The following KIAA0586 variants were observed in gnomAD, a reference collection of about 807,000 sequenced individuals.
The protein encoded by KIAA0586 is protein TALPID3.
In KIAA0586, 144 loss-of-function variants were observed where a neutral mutation model predicts 169.8. The observed-to-expected ratio is 0.85, with a 90% CI of 0.74 to 0.97. The LOEUF is 0.97. Ranked by LOEUF, KIAA0586 falls within the 50% of genes least tolerant of loss-of-function variation. The pLI is 0.00. For synonymous variants in KIAA0586, 625 were observed against 612.4 expected (o/e 1.02, Z -0.30); for missense variants, 1,854 against 1,823.0 (o/e 1.02, Z -0.31).
chr14:58,483,708 A>T (rs1204427463), intron 21 of KIAA0586, among the ~76,000 whole-genome samples: 5 of 152,326 alleles, frequency 3.3e-5, no homozygotes, highest in African/African-American at 9.6e-5. Flanking sequence ...GTTAAAAAGA[A>T]TTTATAATCT....
At chr14:58,523,698 A>G (rs2045376712) in intron 29 of KIAA0586, among the ~76,000 whole-genome samples, 1 of 151,150 alleles carries the variant, frequency 6.6e-6, no homozygotes, top group Admixed American at 6.6e-5. Flanking sequence ...GATTAGGAGT[A>G]GCATCTGATC....
chr14:58,484,890 T>TTATATATATATATATATATATTTTTA lies in KIAA0586; in HGVS notation c.3145-2096_3145-2095insTTTTATATATATATATATATATATAT, dbSNP rs2042278105. Among the ~76,000 whole-genome samples, 4 of 32,314 alleles carry TTATATATATATATATATATATTTTTA rather than the reference T, an allele frequency of 1.2e-4. 1 individual carries two copies. The highest frequency in any genetic ancestry group is 2.1e-4 in the Non-Finnish European group (4 of 18,960). 21.2% of individuals were successfully genotyped at this position (32,314 alleles called of 152,430 possible). ...AATTTTATATATATTATATATATAT[T>TTATATATATATATATATATATTTTTA]TATATATATATATATATATATATAT... On this transcript the variant is annotated intron_variant, in intron 21 of 30. Coordinates refer to ENST00000652326, the MANE Select transcript of KIAA0586 (RefSeq NM_001329943.3).
chr14:58,554,450 C>T (rs1224508950), downstream of KIAA0586, among the ~76,000 whole-genome samples: 1 of 152,122 alleles, frequency 6.6e-6, no homozygotes, highest in Non-Finnish European at 1.5e-5. Context: ...CTGCACAAAA[C>T]CATATGCTAA....
At chr14:58,490,079 C>A in intron 24 of KIAA0586, 85 bp from the exon 25 acceptor site, 2 of 646,736 alleles carry the variant, frequency 3.1e-6, no homozygotes, top group Non-Finnish European at 5.1e-6. Flanking sequence ...AATTTTGAAT[C>A]TAATATGCTA....
chr14:58,440,000 A>G (rs1274249851), intron 4 of KIAA0586: 1 of 223,342 alleles, frequency 4.5e-6, no homozygotes, highest in South Asian at 4.9e-5. Flanking sequence ...GCAAGTATGT[A>G]TCTATTTGCT....
At chr14:58,488,403 T>G (rs960772304) in intron 23 of KIAA0586, among the ~76,000 whole-genome samples, 1 of 152,218 alleles carries the variant, frequency 6.6e-6, no homozygotes, top group Non-Finnish European at 1.5e-5. Flanking sequence ...TCAGTTAACT[T>G]TTATATTATT....
chr14:58,460,543 G>T (rs2040241557), intron 13 of KIAA0586, among the ~76,000 whole-genome samples: 1 of 152,088 alleles, frequency 6.6e-6, no homozygotes, highest in African/African-American at 2.4e-5. Flanking sequence ...GGATTGTTGA[G>T]CAGATCAGTA....
chr14:58,461,305 G>A, intron 14 of KIAA0586, 145 bp downstream of exon 14: 2 of 500,858 alleles, frequency 4.0e-6, no homozygotes, highest in South Asian at 5.4e-5. Flanking sequence ...ATTCCTCTTA[G>A]GAGAGGTAGG....
intron 13 of KIAA0586, among the ~76,000 whole-genome samples, chr14:58,460,760 G>A (rs2040256748): frequency 6.6e-6 from 1 of 152,068 alleles, no homozygotes; most frequent in African/African-American, 2.4e-5. Flanking sequence ...ACTTAGTAAT[G>A]TAAAAATTTT....
chr14:58,525,753 AGTG>A (rs1566941109), intron 29 of KIAA0586, among the ~76,000 whole-genome samples: 1 of 152,224 alleles, frequency 6.6e-6, no homozygotes, highest in Non-Finnish European at 1.5e-5. Flanking sequence ...CAGGGAGCCA[AGTG>A]GTCTACCTCA....
chr14:58,486,687 A>G (rs2042469298), intron 21 of KIAA0586, among the ~76,000 whole-genome samples: 1 of 152,242 alleles, frequency 6.6e-6, no homozygotes, highest in South Asian at 2.1e-4. Flanking sequence ...TACAAAATAC[A>G]AACCCACAGA....
At chr14:58,469,747 G>A (rs1203857210) in intron 16 of KIAA0586, among the ~76,000 whole-genome samples, 1 of 152,136 alleles carries the variant, frequency 6.6e-6, no homozygotes, top group Non-Finnish European at 1.5e-5. Context: ...CAAAGGACAT[G>A]AATAAGACTC....
At chr14:58,442,396 G>A (rs186707496) in intron 4 of KIAA0586, among the ~76,000 whole-genome samples, 36 of 152,312 alleles carry the variant, frequency 2.4e-4, no homozygotes, top group Admixed American at 3.9e-4. Context: ...TAATCCCACC[G>A]TGCCACCTTG....
At chr14:58,510,932 G>A (rs575082715) in intron 28 of KIAA0586, among the ~76,000 whole-genome samples, 2 of 151,960 alleles carry the variant, frequency 1.3e-5, no homozygotes, top group Admixed American at 6.6e-5. Context: ...TATAGTAATA[G>A]CATTTCAGTT....
At chr14:58,433,505 T>A (rs1207550139) in intron 4 of KIAA0586, among the ~76,000 whole-genome samples, 1 of 152,262 alleles carries the variant, frequency 6.6e-6, no homozygotes, top group Non-Finnish European at 1.5e-5. Context: ...AACCTTGAAT[T>A]TCTGTCAAGT....
chr14:58,505,204 T>TGTGC (rs1453529473), intron 27 of KIAA0586, among the ~76,000 whole-genome samples: 43 of 152,210 alleles, frequency 2.8e-4, no homozygotes, highest in African/African-American at 1.0e-3. Context: ...TTTTACAACT[T>TGTGC]AAGATCATAT....
At chr14:58,535,114 G>A (rs137932693) in intron 29 of KIAA0586, among the ~76,000 whole-genome samples, 6 of 151,434 alleles carry the variant, frequency 4.0e-5, no homozygotes, top group Non-Finnish European at 4.4e-5. Flanking sequence ...AAATCATACG[G>A]TATGTATGGC....
intron 27 of KIAA0586, among the ~76,000 whole-genome samples, chr14:58,507,873 C>T (rs1013338193): frequency 6.6e-6 from 1 of 152,046 alleles, no homozygotes; most frequent in Non-Finnish European, 1.5e-5. Flanking sequence ...CAACCTCCGC[C>T]TCCTGGGTTC....
intron 27 of KIAA0586, among the ~76,000 whole-genome samples, chr14:58,499,473 C>T (rs1280078589): frequency 6.6e-6 from 1 of 151,968 alleles, no homozygotes; most frequent in Non-Finnish European, 1.5e-5. Flanking sequence ...AGGATGGTCT[C>T]GATCTCCTGA....
Sources: allele counts gnomAD v4.1 joint callset (sites outside exome capture counted in the v4.1 genomes callset), GRCh38; gene constraint gnomAD v4.1.1; transcripts MANE v1.5; gene names NCBI Gene and HGNC (gene_info 2026-07-23, HGNC 2026-07-21).